The following DIAPH3 variants were observed in gnomAD, a reference collection of about 807,000 sequenced individuals.
DIAPH3 encodes the protein diaphanous related formin 3.
A neutral mutation model predicts 144.3 loss-of-function variants in DIAPH3; 117 were observed. The ratio of observed to expected loss-of-function variants is 0.81; its 90% CI spans 0.70 to 0.95. DIAPH3 has a LOEUF of 0.95. Ranked by LOEUF, DIAPH3 falls within the 40% of genes least tolerant of loss-of-function variation. DIAPH3 has a pLI of 0.00. For synonymous variants in DIAPH3, 519 were observed against 488.9 expected, an observed-to-expected ratio of 1.06 and a Z score of -0.81; for missense variants, 1,421 against 1,412.7, an observed-to-expected ratio of 1.01 and a Z score of -0.09.
chr13:60,091,395 T>G (rs2057926792), intron 4 of DIAPH3, among the ~76,000 whole-genome samples: 1 of 152,190 alleles, frequency 6.6e-6, no homozygotes, highest in South Asian at 2.1e-4. Flanking sequence ...CCTTATGGGC[T>G]CAAGCAATCC....
At chr13:59,710,837 T>A (rs1016055166) in intron 27 of DIAPH3, among the ~76,000 whole-genome samples, 1 of 152,026 alleles carries the variant, frequency 6.6e-6, no homozygotes, top group Admixed American at 6.5e-5. Context: ...ATAAACAAGT[T>A]AAAAAAAATT....
intron 9 of DIAPH3, among the ~76,000 whole-genome samples, chr13:59,997,057 C>G (rs937768709): frequency 1.3e-5 from 2 of 152,024 alleles, no homozygotes; most frequent in Non-Finnish European, 2.9e-5. Flanking sequence ...GTGCAGTGAT[C>G]AAGTCAAGGT....
In DIAPH3 at chr13:59,702,762, T is replaced by C. The variant is rs183395623; in HGVS notation, c.3320-35916A>G. Among the ~76,000 whole-genome samples, 54 of 152,338 alleles carry C rather than the reference T, an allele frequency of 3.5e-4. 1 individual carries two copies. The East Asian group carries it at 9.4e-3, about 27-fold the overall frequency. ...AACTATATCAAGGCTTTATATGGTC[T>C]GGCCTCCTGTTGCTTCTCTGACCTA... On this transcript the variant is annotated intron_variant, in intron 27 of 27. Coordinates refer to ENST00000400324, the MANE Select transcript of DIAPH3 (RefSeq NM_001042517.2).
chr13:59,669,340 A>G (rs73206694), intron 27 of DIAPH3, among the ~76,000 whole-genome samples: 8,329 of 152,146 alleles, frequency 0.055, 247 homozygotes, highest in African/African-American at 0.069. Context: ...TCACTCTTCC[A>G]TTCTCCCAGA....
At chr13:59,740,071 T>A (rs2036370834) in intron 27 of DIAPH3, among the ~76,000 whole-genome samples, 1 of 152,140 alleles carries the variant, frequency 6.6e-6, no homozygotes, top group Admixed American at 6.6e-5. Flanking sequence ...TGACTCTACT[T>A]ACATGCCAAT....
chr13:60,142,607 CCCA>C (rs2059448030), intron 1 of DIAPH3, among the ~76,000 whole-genome samples: 1 of 152,132 alleles, frequency 6.6e-6, no homozygotes, highest in Non-Finnish European at 1.5e-5. Context: ...GTGTGCGAGT[CCCA>C]GCAACAGGGA....
At chr13:59,687,606 C>T (rs1445230108) in intron 27 of DIAPH3, among the ~76,000 whole-genome samples, 1 of 151,968 alleles carries the variant, frequency 6.6e-6, no homozygotes, top group Non-Finnish European at 1.5e-5. Flanking sequence ...TCTGACATCT[C>T]CTCTTAGTGT....
intron 27 of DIAPH3, among the ~76,000 whole-genome samples, chr13:59,736,400 C>T (rs1235584476): frequency 6.6e-6 from 1 of 152,154 alleles, no homozygotes; most frequent in Non-Finnish European, 1.5e-5. Flanking sequence ...ATTTACACTT[C>T]CACCAGCTGT....
intron 1 of DIAPH3, among the ~76,000 whole-genome samples, chr13:60,156,933 A>T (rs1484092478): frequency 1.9e-5 from 1 of 52,330 alleles, no homozygotes; most frequent in East Asian, 3.0e-4. Context: ...ATATATATAT[A>T]TATATATTTT....
intron 27 of DIAPH3, among the ~76,000 whole-genome samples, chr13:59,737,965 G>C (rs961836282): frequency 8.5e-5 from 13 of 152,140 alleles, no homozygotes; most frequent in South Asian, 2.1e-4. Flanking sequence ...TCAGGAGTTC[G>C]AGACCAGCCT....
chr13:59,946,593 C>A (rs1314615599), intron 17 of DIAPH3, among the ~76,000 whole-genome samples: 1 of 152,072 alleles, frequency 6.6e-6, no homozygotes, highest in Non-Finnish European at 1.5e-5. Flanking sequence ...TAAAAAAGCA[C>A]TTGAGTCATT....
At chr13:60,044,102 G>C (rs1310396634) in intron 4 of DIAPH3, 4 of 152,168 alleles carry the variant, frequency 2.6e-5, no homozygotes, top group African/African-American at 9.7e-5. Flanking sequence ...GAAGCAGAGA[G>C]ATCTGTTGAG....
At chr13:60,147,215 T>C (rs888937609) in intron 1 of DIAPH3, 1 of 152,176 alleles carries the variant, frequency 6.6e-6, no homozygotes, top group African/African-American at 2.4e-5. Flanking sequence ...AGGAAAATTC[T>C]CAGCATGTGT....
intron 17 of DIAPH3, among the ~76,000 whole-genome samples, chr13:59,926,582 T>C (rs963390686): frequency 6.6e-5 from 10 of 152,214 alleles, no homozygotes; most frequent in Non-Finnish European, 1.3e-4. Flanking sequence ...TTGAGACTAA[T>C]TGTCTAACTG....
At chr13:59,825,832 T>C (rs894325809) in intron 24 of DIAPH3, among the ~76,000 whole-genome samples, 1 of 152,158 alleles carries the variant, frequency 6.6e-6, no homozygotes, top group Non-Finnish European at 1.5e-5. Flanking sequence ...CATAAATGTC[T>C]TCTTTTCAGA....
intron 27 of DIAPH3, among the ~76,000 whole-genome samples, chr13:59,705,624 C>G (rs1468682865): frequency 6.6e-6 from 1 of 152,146 alleles, no homozygotes; most frequent in Non-Finnish European, 1.5e-5. Flanking sequence ...AATACAGAAG[C>G]ATGAAAATAT....
At chr13:60,158,072 T>A (rs930629114) in intron 1 of DIAPH3, among the ~76,000 whole-genome samples, 2 of 152,190 alleles carry the variant, frequency 1.3e-5, no homozygotes, top group African/African-American at 4.8e-5. Context: ...GATTAGGGGC[T>A]TCCCTTATGC....
At chr13:59,730,127 C>T (rs982923123) in intron 27 of DIAPH3, among the ~76,000 whole-genome samples, 3 of 152,032 alleles carry the variant, frequency 2.0e-5, no homozygotes, top group African/African-American at 7.2e-5. Flanking sequence ...TGACATTTCA[C>T]ATAAAAATGT....
chr13:59,990,806 G>C (rs536924422), intron 12 of DIAPH3, among the ~76,000 whole-genome samples: 3 of 151,944 alleles, frequency 2.0e-5, no homozygotes, highest in Non-Finnish European at 4.4e-5. Context: ...GCAATGTTTA[G>C]TGCCCTTCAT....
Sources: allele counts gnomAD v4.1 joint callset (sites outside exome capture counted in the v4.1 genomes callset), GRCh38; gene constraint gnomAD v4.1.1; transcripts MANE v1.5; gene names NCBI Gene and HGNC (gene_info 2026-07-23, HGNC 2026-07-21).